The following PANX3 variants were observed in gnomAD, a reference collection of about 807,000 sequenced individuals.
The protein encoded by PANX3 is pannexin 3.
In PANX3, 18 loss-of-function variants were observed where a neutral mutation model predicts 31.5. The observed-to-expected ratio is 0.57, with a 90% CI of 0.39 to 0.85. The LOEUF (loss-of-function observed/expected upper bound fraction) is 0.85, where lower values mean the gene tolerates loss of function less well. Among genes scored for constraint, PANX3 ranks in the 40% least tolerant of loss-of-function variants. PANX3 has a pLI of 0.00. For missense variants in PANX3, 426 were observed against 485.4 expected, an observed-to-expected ratio of 0.88 and a Z score of 1.15; for synonymous variants, 194 against 201.6, an observed-to-expected ratio of 0.96 and a Z score of 0.32.
intron 2 of PANX3, 47 bp from the exon 3 acceptor site, chr11:124,617,227 G>A: frequency 6.9e-7 from 1 of 1,445,190 alleles, no homozygotes; most frequent in Non-Finnish European, 9.5e-7. Context: ...TGTCACTCGG[G>A]GTCTCAGCAG....
At chr11:124,619,260 C>A in intron 3 of PANX3, 36 bp from the exon 4 acceptor site, 1 of 1,579,048 alleles carries the variant, frequency 6.3e-7, no homozygotes, top group South Asian at 1.2e-5. Flanking sequence ...TCTAAATGGT[C>A]ACTACTAACC....
At position 124,619,289 on chromosome 11, in the gene PANX3, T is replaced by C; in HGVS notation, c.540-7T>C. On this transcript the variant is annotated splice_polypyrimidine_tract_variant and splice_region_variant and intron_variant, in intron 3 of 3. Transcript: ENST00000284288. ...ACTAACCTTGCCTCCTTCCTTCCAC[T>C]GCCCAGGGCTCGGAAAGAACGATAC... 1.2e-6 allele frequency: 2 copies of C among 1,607,308 alleles called. No homozygotes were observed. The highest frequency in any genetic ancestry group is 8.5e-7 in the Non-Finnish European group (1 of 1,176,962).
At chr11:124,615,919 G>A (rs899228442) in intron 2 of PANX3, among the ~76,000 whole-genome samples, 20 of 152,130 alleles carry the variant, frequency 1.3e-4, no homozygotes, top group Non-Finnish European at 2.5e-4. Context: ...GGCTGAGGCA[G>A]GAGAATTGCT....
chr11:124,614,052 C>T (rs1387290672), intron 2 of PANX3, among the ~76,000 whole-genome samples: 2 of 150,204 alleles, frequency 1.3e-5, no homozygotes, highest in African/African-American at 4.9e-5. Flanking sequence ...TTTCTAGGCA[C>T]GACAGTTTCA....
chr11:124,620,005 A>G lies in PANX3; in HGVS notation c.*70A>G. Reference sequence around the variant, plus strand: ...TTCCTCATAAGACATGCACACTAATACACATACACACCAAAAAATTACACA... The same window carrying G: ...TTCCTCATAAGACATGCACACTAATGCACATACACACCAAAAAATTACACA... On this transcript the variant is annotated 3_prime_UTR_variant, in exon 4 of 4. Coordinates refer to ENST00000284288, the MANE Select transcript of PANX3 (RefSeq NM_052959.3). 1 of 1,460,128 alleles carries G rather than the reference A, an allele frequency of 6.8e-7. No individual in the cohort carries two copies. The highest frequency in any genetic ancestry group is 9.2e-7 in the Non-Finnish European group (1 of 1,085,832). The allele number at this position is 1,460,128 out of a possible 1,614,324, so 90.4% of individuals were successfully genotyped here.
chr11:124,612,535 A>G (rs1388835411), intron 1 of PANX3, among the ~76,000 whole-genome samples: 1 of 152,120 alleles, frequency 6.6e-6, no homozygotes, highest in Non-Finnish European at 1.5e-5. Flanking sequence ...AAAGGCAGGA[A>G]CTCTCCTCCA....
chr11:124,613,220 A>G, intron 2 of PANX3, 98 bp downstream of exon 2: 1 of 1,385,354 alleles, frequency 7.2e-7, no homozygotes, highest in African/African-American at 1.4e-5. Context: ...CACCACCCCT[A>G]ACCCATTTAT....
chr11:124,612,183 G>C (rs1266687756), intron 1 of PANX3, among the ~76,000 whole-genome samples: 1 of 152,088 alleles, frequency 6.6e-6, no homozygotes, highest in African/African-American at 2.4e-5. Context: ...TTATTGACTT[G>C]AGAACATGTG....
At chr11:124,614,825 C>T (rs932408508) in intron 2 of PANX3, among the ~76,000 whole-genome samples, 4 of 151,452 alleles carry the variant, frequency 2.6e-5, no homozygotes, top group African/African-American at 4.9e-5. Context: ...TACAGGCACC[C>T]GCTACCATCC....
Position 124,620,064 on chromosome 11 carries a change from C to T in PANX3, c.*129C>T. The T allele has an allele frequency of 1.0e-6, 1 of 985,684 alleles. No individual in the cohort carries two copies. Among genetic ancestry groups the T allele is most frequent in the Non-Finnish European group, 1.5e-6 (1 of 678,432 alleles). The allele number at this position is 985,684 out of a possible 1,614,324, so 61.1% of individuals were successfully genotyped here. ...CTGCTAAGCTTGGATTTAACTGAAT[C>T]ATATATCTTTTATCATGTTATCCTA... On this transcript the variant is annotated 3_prime_UTR_variant, in exon 4 of 4. Coordinates refer to ENST00000284288, the MANE Select transcript of PANX3 (RefSeq NM_052959.3).
chr11:124,614,167 T>TAA (rs71042444), intron 2 of PANX3, among the ~76,000 whole-genome samples: 45 of 73,472 alleles, frequency 6.1e-4, no homozygotes, highest in East Asian at 2.4e-3. Context: ...ATCTAAATGG[T>TAA]AAAAAAAAAA....
At chr11:124,614,073 T>C (rs940830220) in intron 2 of PANX3, among the ~76,000 whole-genome samples, 2 of 148,046 alleles carry the variant, frequency 1.4e-5, no homozygotes, top group African/African-American at 5.0e-5. Context: ...AGGCGTCAAA[T>C]TGCCACAGTT....
At chr11:124,614,229 G>A (rs1278175462) in intron 2 of PANX3, among the ~76,000 whole-genome samples, 4 of 128,438 alleles carry the variant, frequency 3.1e-5, no homozygotes, top group Non-Finnish European at 5.1e-5. Context: ...TCACATATAA[G>A]AAAAGGATCA....
Position 124,619,809 on chromosome 11 carries a change from G to A in PANX3, c.1053G>A (p.Val351=), listed in dbSNP as rs768329031. Reference sequence around the variant, plus strand: ...TTAGCTGGCTGAGTGTCTTATGTGTGTTGAAGGATACAACCACCCAGAAGC... The same window carrying A: ...TTAGCTGGCTGAGTGTCTTATGTGTATTGAAGGATACAACCACCCAGAAGC... The part of the protein sequence containing the change: ...ISFSWLSVLC[V]LKDTTTQKHN... Residue 351 remains valine, a synonymous_variant, in exon 4 of 4, where the codon GTG becomes GTA. Transcript: ENST00000284288. 3.1e-6 allele frequency: 5 copies of A among 1,614,120 alleles called. No individual in the cohort carries two copies. Among genetic ancestry groups the A allele is most frequent in the Non-Finnish European group, 4.2e-6 (5 of 1,180,030 alleles).
In PANX3 at chr11:124,619,589, C is replaced by T; in HGVS notation, c.833C>T (p.Ala278Val). The T allele has an allele frequency of 1.2e-6, 2 of 1,614,156 alleles. No homozygotes were observed. Among genetic ancestry groups the T allele is most frequent in the Non-Finnish European group, 1.7e-6 (2 of 1,180,032 alleles). ...IFQIVSLSSV[A>V]IYTILVPVII... Reference sequence around the variant, plus strand: ...CAGATTGTTAGCCTCTCCAGTGTAGCAATATACACCATATTGGTTCCAGTG... The same window carrying T: ...CAGATTGTTAGCCTCTCCAGTGTAGTAATATACACCATATTGGTTCCAGTG... The change falls in exon 4 of 4, where the codon GCA becomes GTA. Residue 278 changes from alanine (A) to valine (V), a missense_variant. Transcript: ENST00000284288.
Position 124,619,730 on chromosome 11 carries a change from AC to A in PANX3, c.976del (p.Leu326SerfsTer3), listed in dbSNP as rs1163876329. On this transcript the variant is annotated frameshift_variant, in exon 4 of 4. Coordinates refer to ENST00000284288, the MANE Select transcript of PANX3 (RefSeq NM_052959.3). LOFTEE classifies it high-confidence loss of function. ...SRKMLGCPINDLNVILLFLRA... is the reference protein window; with the variant it reads ...SRKMLGCPINXLNVILLFLRA... ...AAGATGCTAGGATGTCCCATCAATG[AC>A]CTCAATGTGATCCTTCTTTTCCTCC... 4 of 1,614,066 alleles carry A rather than the reference AC, an allele frequency of 2.5e-6. No individual in the cohort carries two copies. The highest frequency in any genetic ancestry group is 2.5e-6 in the Non-Finnish European group (3 of 1,180,048).
At chr11:124,615,404 G>A (rs568516354) in intron 2 of PANX3, among the ~76,000 whole-genome samples, 1 of 152,178 alleles carries the variant, frequency 6.6e-6, no homozygotes, top group African/African-American at 2.4e-5. Context: ...TTCTACCCAG[G>A]TACAATCAAT....
At chr11:124,611,917 A>C (rs1349031645) in intron 1 of PANX3, among the ~76,000 whole-genome samples, 180 bp downstream of exon 1, 4 of 151,736 alleles carry the variant, frequency 2.6e-5, no homozygotes, top group Admixed American at 2.6e-4. Flanking sequence ...AGGCACCAAA[A>C]AATTTTGAAA....
At chr11:124,615,377 G>A (rs550233265) in intron 2 of PANX3, among the ~76,000 whole-genome samples, 103 of 152,120 alleles carry the variant, frequency 6.8e-4, no homozygotes, top group Middle Eastern at 6.8e-3. Flanking sequence ...CACTGCGCCC[G>A]GCCCCACACC....
Sources: gnomAD v4.1 joint callset for allele counts (sites outside exome capture counted in the v4.1 genomes callset) on GRCh38, gnomAD v4.1.1 for gene constraint, MANE v1.5 for transcripts, NCBI Gene and HGNC (gene_info 2026-07-23, HGNC 2026-07-21) for gene names.